Variants in PDXDC1 observed in about 807,000 individuals in gnomAD.
PDXDC1 encodes the protein pyridoxal dependent decarboxylase domain containing 1, also known as pyridoxal-dependent decarboxylase domain-containing protein 1.
A neutral mutation model predicts 100.1 loss-of-function variants in PDXDC1; 42 were observed. The observed-to-expected ratio is 0.42, with a 90% CI of 0.33 to 0.54. The LOEUF is 0.54. Among genes scored for constraint, PDXDC1 ranks in the 20% least tolerant of loss-of-function variants. The pLI, the probability that PDXDC1 is intolerant of heterozygous loss-of-function variation, is 0.10. For missense variants in PDXDC1, 636 were observed against 979.2 expected, an observed-to-expected ratio of 0.65 and a Z score of 4.68; for synonymous variants, 260 against 371.7, an observed-to-expected ratio of 0.70 and a Z score of 3.46.
At position 15,133,980 on chromosome 16, in the gene PDXDC1, C is replaced by A. The variant is rs533775798; in HGVS notation, c.1400-4899C>A. 8.3e-6 allele frequency: 11 copies of A among 1,327,958 alleles called. No individual in the cohort carries two copies. The South Asian group carries it at 1.1e-4, about 13-fold the overall frequency. The allele number at this position is 1,327,958 out of a possible 1,614,324, so 82.3% of individuals were successfully genotyped here. ...TCCCTCGCCGTCCCGCAGCACGCCC[C>A]GCCGCAGCACCAGTCACATGCCTGC... is the stretch of plus-strand genomic sequence containing the variant. On this transcript the variant is annotated intron_variant, in intron 16 of 16. Transcript: ENST00000535621.
intron 16 of PDXDC1, chr16:15,128,376 G>C (rs1263113398): frequency 8.2e-6 from 13 of 1,589,940 alleles, no homozygotes; most frequent in Non-Finnish European, 1.1e-5. Flanking sequence ...TGATGCCCAC[G>C]TGGGCCGTGG....
intron 14 of PDXDC1, 62 bp downstream of exon 14, chr16:15,026,768 C>T: frequency 1.4e-6 from 2 of 1,460,498 alleles, no homozygotes; most frequent in Non-Finnish European, 1.9e-6. Flanking sequence ...AATTTGATAC[C>T]ATTTCAAGTT....
chr16:14,990,574 T>C (rs1162634481), intron 1 of PDXDC1, among the ~76,000 whole-genome samples: 2 of 152,288 alleles, frequency 1.3e-5, no homozygotes, highest in Admixed American at 6.5e-5. Flanking sequence ...TGAAACTGGA[T>C]AATACTTTAT....
intron 16 of PDXDC1, among the ~76,000 whole-genome samples, chr16:15,068,473 C>T (rs573574650): frequency 2.1e-4 from 32 of 152,278 alleles, no homozygotes; most frequent in African/African-American, 6.5e-4. Context: ...TAACCACATT[C>T]ATTGGTCACC....
rs1567225703 is a variant in PDXDC1, at chr16:15,089,753, TTG to T, written c.1400-49125_1400-49124del. On this transcript the variant is annotated intron_variant, in intron 16 of 16. Coordinates refer to the PDXDC1 transcript ENST00000535621. The stretch of plus-strand genomic sequence containing the variant: ...AGGCGGAGCTTGCAGTGAGCCAAGA[TTG>T]CGCCACTGCACTCCAGCCTGGGCGA... Among the ~76,000 whole-genome samples, 8 of 126,618 alleles carry T rather than the reference TTG, an allele frequency of 6.3e-5. No homozygotes were observed. The East Asian group carries it at 1.6e-3, about 26-fold the overall frequency. 83.1% of individuals were successfully genotyped at this position (126,618 alleles called of 152,430 possible).
intron 16 of PDXDC1, 47 bp from the exon 17 acceptor site, chr16:15,031,688 C>T: frequency 6.5e-7 from 1 of 1,543,102 alleles, no homozygotes; most frequent in South Asian, 1.1e-5. Context: ...GCCCTCTTGT[C>T]ATTGGCCATC....
intron 16 of PDXDC1, chr16:15,080,107 A>C: frequency 6.3e-7 from 1 of 1,591,828 alleles, no homozygotes; most frequent in Non-Finnish European, 8.5e-7. Context: ...CTAAAGGAGA[A>C]AATGTAAGAT....
chr16:14,994,515 C>G (rs547059231), intron 1 of PDXDC1, among the ~76,000 whole-genome samples: 14 of 152,404 alleles, frequency 9.2e-5, no homozygotes, highest in Non-Finnish European at 1.9e-4. Context: ...GTATTGGTAC[C>G]AGTACCATGC....
intron 1 of PDXDC1, chr16:14,990,049 A>AC (rs1297927458): frequency 1.5e-5 from 23 of 1,488,056 alleles, no homozygotes; most frequent in East Asian, 1.5e-4. Context: ...TGCGCGCCGG[A>AC]CCCCCCAAAC....
chr16:15,055,987 C>G, intron 16 of PDXDC1: 1 of 1,203,702 alleles, frequency 8.3e-7, no homozygotes, highest in Non-Finnish European at 1.0e-6. Flanking sequence ...AGGCGGCCGC[C>G]CAGGCAGGCC....
At chr16:15,068,329 G>A in intron 16 of PDXDC1, 2 of 1,529,012 alleles carry the variant, frequency 1.3e-6, no homozygotes, top group South Asian at 1.3e-5. Flanking sequence ...TAAGTGAAAA[G>A]TGTAAGATAC....
chr16:15,001,404 G>C (rs1366414292), intron 3 of PDXDC1, among the ~76,000 whole-genome samples: 1 of 152,300 alleles, frequency 6.6e-6, no homozygotes, highest in Non-Finnish European at 1.5e-5. Flanking sequence ...CAGGAGGATC[G>C]CTTAAACCCG....
At chr16:15,061,949 C>A (rs1400893643) in intron 16 of PDXDC1, 2 of 1,554,826 alleles carry the variant, frequency 1.3e-6, no homozygotes, top group Non-Finnish European at 1.8e-6. Context: ...CCAGTGCTGA[C>A]TGAAAAGCTT....
At chr16:14,985,511 A>G (rs1337314226) in intron 1 of PDXDC1, among the ~76,000 whole-genome samples, 1 of 151,388 alleles carries the variant, frequency 6.6e-6, no homozygotes, top group East Asian at 2.0e-4. Flanking sequence ...GATGGTCTCC[A>G]TCTGACCTCG....
chr16:15,095,740 C>T (rs2046331525), intron 16 of PDXDC1, among the ~76,000 whole-genome samples: 1 of 151,716 alleles, frequency 6.6e-6, no homozygotes, highest in South Asian at 2.1e-4. Context: ...ATCCCAGCTA[C>T]TTGGGAGGCC....
At chr16:15,132,633 T>C (rs2048161096) in intron 16 of PDXDC1, 1 of 771,436 alleles carries the variant, frequency 1.3e-6, no homozygotes, top group East Asian at 2.7e-5. Flanking sequence ...GCTCAGCTCC[T>C]CGGCCAAGCT....
downstream of PDXDC1, among the ~76,000 whole-genome samples, chr16:15,140,846 A>C (rs2048461530): frequency 6.6e-6 from 1 of 151,976 alleles, no homozygotes; most frequent in South Asian, 2.1e-4. Context: ...GTGGCTCCGC[A>C]GGTCTGCACA....
At chr16:15,027,340 G>A (rs1443736032) in intron 14 of PDXDC1, among the ~76,000 whole-genome samples, 1 of 152,290 alleles carries the variant, frequency 6.6e-6, no homozygotes, top group Non-Finnish European at 1.5e-5. Context: ...CCGACCCCAT[G>A]GCAGCATCTG....
the PDXDC1 span, among the ~76,000 whole-genome samples, chr16:15,151,924 C>G: frequency 3.1e-5 from 2 of 64,228 alleles, 1 homozygote; most frequent in Non-Finnish European, 7.0e-5. Context: ...AGAGTGAACT[C>G]TGTCTCAAAA....
Sources: gnomAD v4.1 joint callset for allele counts (sites outside exome capture counted in the v4.1 genomes callset) on GRCh38, gnomAD v4.1.1 for gene constraint, MANE v1.5 for transcripts, NCBI Gene and HGNC (gene_info 2026-07-23, HGNC 2026-07-21) for gene names.